The following STT3A variants were observed in gnomAD, a reference collection of about 807,000 sequenced individuals.
The protein encoded by STT3A is STT3 oligosaccharyltransferase complex catalytic subunit A.
In STT3A, 34 loss-of-function variants were observed where a neutral mutation model predicts 89.2. The observed-to-expected ratio is 0.38, with a 90% confidence interval of 0.29 to 0.51. The LOEUF (loss-of-function observed/expected upper bound fraction) is 0.51, where lower values mean the gene tolerates loss of function less well. STT3A is among the 20% of genes least tolerant of loss of function. The pLI is 0.89. For synonymous variants in STT3A, 282 were observed against 310.3 expected (o/e 0.91, Z 0.96); for missense variants, 555 against 889.5 (o/e 0.62, Z 4.78).
chr11:125,610,428 A>T (rs1208940268), intron 10 of STT3A, among the ~76,000 whole-genome samples: 1 of 152,202 alleles, frequency 6.6e-6, no homozygotes, highest in East Asian at 1.9e-4. Flanking sequence ...GTAAATAAAT[A>T]GAAAAAGATG....
rs1227270134 is a variant in STT3A at position 125,620,132 on chromosome 11, C to A, written c.2079+6C>A. 1 of 1,609,974 alleles carries A rather than the reference C, an allele frequency of 6.2e-7. No individual in the cohort carries two copies. Among genetic ancestry groups the A allele is most frequent in the East Asian group, 2.2e-5 (1 of 44,840 alleles). On this transcript the variant is annotated splice_donor_region_variant and intron_variant, in intron 17 of 17. Transcript: ENST00000392708. ...GGCTGGTCAGGATATACAAGGTAAG[C>A]AGATGCTATACGTCTCAGAAAGCAA...
rs1438979185 is a variant in STT3A at position 125,609,567 on chromosome 11, G to A, written c.1095G>A (p.Gln365=). The A allele has an allele frequency of 1.2e-6, 2 of 1,613,108 alleles. No homozygotes were observed. The highest frequency in any genetic ancestry group is 3.4e-5 in the Admixed American group (2 of 59,646). The change falls in exon 10 of 18, where the codon CAG becomes CAA. Residue 365 remains glutamine, a synonymous_variant. Coordinates refer to ENST00000392708, the MANE Select transcript of STT3A (RefSeq NM_152713.5). ...TTWSSYYFDL[Q]LLVFMFPVGL... is the part of the protein sequence containing the mutation. ...GGTCCTCATACTATTTTGACCTGCAGCTCCTCGTCTTCATGTTTCCAGGTA... is the reference window on the plus strand; with the variant it reads ...GGTCCTCATACTATTTTGACCTGCAACTCCTCGTCTTCATGTTTCCAGGTA...
intron 3 of STT3A, among the ~76,000 whole-genome samples, chr11:125,598,228 G>T (rs1460053649): frequency 6.6e-6 from 1 of 151,776 alleles, no homozygotes; most frequent in Non-Finnish European, 1.5e-5. Flanking sequence ...AAAAGAAAAA[G>T]AAAAAAGAAA....
Position 125,620,870 on chromosome 11 carries a change from ATTTTTTT to A in STT3A, c.*75_*81del, listed in dbSNP as rs569634802. On this transcript the variant is annotated 3_prime_UTR_variant, in exon 18 of 18. Coordinates refer to ENST00000392708, the MANE Select transcript of STT3A (RefSeq NM_152713.5). ...GCACATCACATTTAGGACGTTGAAG[ATTTTTTT>A]TTTTTTTTTTTTTTAATATGCAGTT... The A allele has an allele frequency of 1.0e-5, 9 of 892,538 alleles. No homozygotes were observed. The highest frequency in any genetic ancestry group is 3.4e-5 in the Admixed American group (1 of 29,590). The allele number at this position is 892,538 out of a possible 1,614,324, so 55.3% of individuals were successfully genotyped here.
rs79360777 is a variant in STT3A, at chr11:125,606,470, G to A, written c.780+5G>A. Reference sequence around the variant, plus strand: ...ATCTCCTTTGTGGGTTTCCAGGTGAGCCCTTGACTGAGTAGGGTTTTCAGC... The same window carrying A: ...ATCTCCTTTGTGGGTTTCCAGGTGAACCCTTGACTGAGTAGGGTTTTCAGC... On this transcript the variant is annotated splice_donor_5th_base_variant and intron_variant, in intron 8 of 17. Transcript: ENST00000392708. 834 of 1,608,218 alleles carry A rather than the reference G, an allele frequency of 5.2e-4. 2 individuals carry two copies. Among genetic ancestry groups the A allele is most frequent in the Middle Eastern group, 2.5e-3 (15 of 6,018 alleles).
Position 125,614,366 on chromosome 11 carries a change from G to C in STT3A, c.1714G>C (p.Glu572Gln). ...TEEKAYEIMR[E>Q]LDVSYVLVIF... Reference sequence around the variant, plus strand: ...GGAAAAAGCCTATGAGATCATGAGGGAGCTCGATGTCAGCTATGTGCTGGT... The same window carrying C: ...GGAAAAAGCCTATGAGATCATGAGGCAGCTCGATGTCAGCTATGTGCTGGT... The change falls in exon 15 of 18, where the codon GAG (glutamate) becomes CAG (glutamine). Residue 572 changes from glutamate to glutamine, a missense_variant. By Grantham distance (29) the Glu-to-Gln change is conservative. Transcript: ENST00000392708. This position sits in a 1 kb window ranked among gnomAD's most constrained non-coding sequence, Gnocchi z 4.9. The C allele has an allele frequency of 6.2e-7, 1 of 1,614,104 alleles. No homozygotes were observed. Among genetic ancestry groups the C allele is most frequent in the Non-Finnish European group, 8.5e-7 (1 of 1,180,010 alleles).
chr11:125,611,378 G>C (rs1329448341), intron 10 of STT3A, 50 bp from the exon 11 acceptor site: 4 of 1,465,212 alleles, frequency 2.7e-6, no homozygotes. Flanking sequence ...TACCTTGTAG[G>C]TTTCAACCTA....
intron 8 of STT3A, among the ~76,000 whole-genome samples, chr11:125,606,756 A>G (rs1326653512): frequency 6.6e-6 from 1 of 152,176 alleles, no homozygotes; most frequent in Non-Finnish European, 1.5e-5. Context: ...GATCAGAGTT[A>G]AAATTTCCAG....
intron 1 of STT3A, chr11:125,593,200 G>T (rs1250308201): frequency 6.5e-6 from 1 of 152,734 alleles, no homozygotes; most frequent in African/African-American, 2.4e-5. Flanking sequence ...ATGCTGGGGT[G>T]ATGAGTGTCC....
chr11:125,602,728 A>G, intron 4 of STT3A, 75 bp from the exon 5 acceptor site: 1 of 1,578,322 alleles, frequency 6.3e-7, no homozygotes, highest in Non-Finnish European at 8.7e-7. Context: ...ACTTTATTGT[A>G]TCTGGGATTT....
Position 125,620,870 on chromosome 11 carries a change from ATTT to A in STT3A, c.*79_*81del, listed in dbSNP as rs569634802. 9.2e-3 allele frequency: 8,104 copies of A among 882,232 alleles called. No homozygotes were observed. Among genetic ancestry groups the A allele is most frequent in the South Asian group, 0.013 (630 of 46,932 alleles). 54.7% of individuals were successfully genotyped at this position (882,232 alleles called of 1,614,324 possible). ...GCACATCACATTTAGGACGTTGAAG[ATTT>A]TTTTTTTTTTTTTTTTTTAATATGC... On this transcript the variant is annotated 3_prime_UTR_variant, in exon 18 of 18. Transcript: ENST00000392708.
At chr11:125,605,177 TAGAAGTGG>T (rs1939796760) in intron 6 of STT3A, among the ~76,000 whole-genome samples, 1 of 151,918 alleles carries the variant, frequency 6.6e-6, no homozygotes, top group Non-Finnish European at 1.5e-5. Context: ...GAAGGCTTTT[TAGAAGTGG>T]TTGAGGGTCA....
rs1259828626 is a variant in STT3A, at chr11:125,614,850, A to T, written c.1774+424A>T. ...TTTATATATATATAAAATATATATAAATAAAAGTGTGTGTAAAATGGAGGT... is the reference window on the plus strand; with the variant it reads ...TTTATATATATATAAAATATATATATATAAAAGTGTGTGTAAAATGGAGGT... On this transcript the variant is annotated intron_variant, in intron 15 of 17. Transcript: ENST00000392708. The surrounding 1 kb of genome is among the most constrained non-coding windows in gnomAD (Gnocchi z 4.9). Among the ~76,000 whole-genome samples, 2 of 151,834 alleles carry T rather than the reference A, an allele frequency of 1.3e-5. No individual in the cohort carries two copies. The highest frequency in any genetic ancestry group is 3.8e-4 in the East Asian group (2 of 5,200).
At chr11:125,595,164 CTT>C (rs397940239) in intron 1 of STT3A, 2 of 139,922 alleles carry the variant, frequency 1.4e-5, no homozygotes, top group East Asian at 2.1e-4. Flanking sequence ...TTCACTTCTT[CTT>C]TTTTTTTTTT....
intron 16 of STT3A, among the ~76,000 whole-genome samples, chr11:125,619,355 C>T (rs1940279186): frequency 6.6e-6 from 1 of 152,064 alleles, no homozygotes; most frequent in African/African-American, 2.4e-5. Context: ...CCACCGCACC[C>T]AGCCTGTTAT....
In STT3A at chr11:125,619,896, A is replaced by G. The variant is rs540314120; in HGVS notation, c.1964-115A>G. On this transcript the variant is annotated intron_variant, in intron 16 of 17. Coordinates refer to ENST00000392708, the MANE Select transcript of STT3A (RefSeq NM_152713.5). ...TTTTTTGCAGGCTCTACTCTCAACA[A>G]ATTGCAGGCTGAGGAATAATCATCA... The G allele has an allele frequency of 1.0e-4, 91 of 899,034 alleles. No individual in the cohort carries two copies. The South Asian group carries it at 1.5e-3, about 15-fold the overall frequency. 55.7% of individuals were successfully genotyped at this position (899,034 alleles called of 1,614,324 possible). A position where few individuals can be genotyped will look rare whatever the true frequency, so the allele number is the denominator to read the frequency against.
At chr11:125,594,321 C>T (rs1939416958) in intron 1 of STT3A, among the ~76,000 whole-genome samples, 1 of 152,158 alleles carries the variant, frequency 6.6e-6, no homozygotes, top group Non-Finnish European at 1.5e-5. Context: ...GTAGCTCACG[C>T]CTGTAATCCC....
intron 3 of STT3A, among the ~76,000 whole-genome samples, chr11:125,598,986 C>T (rs960677939): frequency 6.6e-6 from 1 of 152,168 alleles, no homozygotes; most frequent in Non-Finnish European, 1.5e-5. Context: ...GTTAGATAAT[C>T]AAGGAATGCA....
intron 4 of STT3A, 83 bp downstream of exon 4, chr11:125,602,507 A>T: frequency 7.1e-7 from 1 of 1,406,960 alleles, no homozygotes; most frequent in Middle Eastern, 2.0e-4. Flanking sequence ...TTTATTTCTA[A>T]TAGCTTTGTC....
Sources: allele counts gnomAD v4.1 joint callset (sites outside exome capture counted in the v4.1 genomes callset), GRCh38; gene constraint gnomAD v4.1.1; non-coding constraint Gnocchi (gnomAD v3.1); transcripts MANE v1.5; gene names NCBI Gene and HGNC (gene_info 2026-07-23, HGNC 2026-07-21).